Variants in PEX7 observed in about 807,000 individuals in gnomAD.
PEX7 encodes the protein PTS2 receptor.
PEX7 carries 34 observed loss-of-function variants against 47.5 expected under a neutral mutation model. The ratio of observed to expected loss-of-function variants is 0.72; its 90% CI spans 0.54 to 0.95. The LOEUF is 0.95. Among genes scored for constraint, PEX7 ranks in the 40% least tolerant of loss-of-function variants. PEX7 has a pLI of 0.00. For synonymous variants in PEX7, 141 were observed against 148.8 expected, an observed-to-expected ratio of 0.95 and a Z score of 0.38; for missense variants, 394 against 400.3, an observed-to-expected ratio of 0.98 and a Z score of 0.13.
At chr6:136,835,200 C>T (rs1484632893) in intron 3 of PEX7, among the ~76,000 whole-genome samples, 2 of 152,038 alleles carry the variant, frequency 1.3e-5, no homozygotes, top group Non-Finnish European at 1.5e-5. Flanking sequence ...GTTGGGATTA[C>T]AGGCTTGAGC....
chr6:136,845,160 TGGAA>T (rs921379202), intron 3 of PEX7, among the ~76,000 whole-genome samples: 4 of 152,228 alleles, frequency 2.6e-5, no homozygotes, highest in African/African-American at 9.6e-5. Context: ...CCAAGAGATC[TGGAA>T]GGATCACCTG....
At chr6:136,857,332 A>T (rs1774879090) in intron 5 of PEX7, among the ~76,000 whole-genome samples, 1 of 152,248 alleles carries the variant, frequency 6.6e-6, no homozygotes, top group South Asian at 2.1e-4. Context: ...TATATAAGAT[A>T]TGGGAGTAAC....
intron 3 of PEX7, among the ~76,000 whole-genome samples, chr6:136,842,002 CTTT>C (rs1201074060): frequency 1.4e-5 from 2 of 139,794 alleles, no homozygotes; most frequent in Non-Finnish European, 1.6e-5. Flanking sequence ...TTTTCTTTTT[CTTT>C]TTTTTTTTTT....
intron 8 of PEX7, among the ~76,000 whole-genome samples, chr6:136,888,611 A>G (rs1562753415): frequency 6.6e-6 from 1 of 152,116 alleles, no homozygotes; most frequent in East Asian, 1.9e-4. Flanking sequence ...TACTGAATTT[A>G]TTCTGTGTTA....
chr6:136,913,379 A>G, intron 9 of PEX7, 79 bp from the exon 10 acceptor site: 1 of 937,144 alleles, frequency 1.1e-6, no homozygotes, highest in Non-Finnish European at 1.8e-6. Flanking sequence ...GACACTCTAA[A>G]TGACTTGAGT....
chr6:136,909,651 G>A (rs932699868), intron 9 of PEX7, among the ~76,000 whole-genome samples: 3 of 152,010 alleles, frequency 2.0e-5, no homozygotes, highest in African/African-American at 7.2e-5. Flanking sequence ...GAACCAGATA[G>A]GGCTTAATTA....
intron 8 of PEX7, 94 bp from the exon 9 acceptor site, chr6:136,898,048 A>G: frequency 1.3e-6 from 1 of 776,288 alleles, no homozygotes; most frequent in Non-Finnish European, 2.3e-6. Context: ...CTGTTTGGAT[A>G]AAATCTTTGC....
intron 3 of PEX7, among the ~76,000 whole-genome samples, chr6:136,838,480 A>T (rs1248978413): frequency 6.6e-6 from 1 of 152,250 alleles, no homozygotes; most frequent in Non-Finnish European, 1.5e-5. Context: ...CTTAGAGGAT[A>T]CTTAAGAGAC....
At chr6:136,877,749 A>G (rs918769143) in intron 8 of PEX7, among the ~76,000 whole-genome samples, 1 of 152,226 alleles carries the variant, frequency 6.6e-6, no homozygotes, top group East Asian at 1.9e-4. Context: ...AGGTAGTGTG[A>G]TGCCTCCAGC....
Position 136,822,677 on chromosome 6 carries a change from G to A in PEX7, c.12G>A (p.Val4=), listed in dbSNP as rs2115122241. 2 of 1,524,134 alleles carry A rather than the reference G, an allele frequency of 1.3e-6. No homozygotes were observed. Among genetic ancestry groups the A allele is most frequent in the Non-Finnish European group, 1.8e-6 (2 of 1,141,874 alleles). 94.4% of individuals were successfully genotyped at this position (1,524,134 alleles called of 1,614,324 possible). A position where few individuals can be genotyped will look rare whatever the true frequency, so the allele number is the denominator to read the frequency against. MSA[V]CGGAARMLRT... is the part of the protein sequence containing the mutation. Reference sequence around the variant, plus strand: ...GGGCGGCGGGCGGGATGAGTGCGGTGTGCGGTGGAGCGGCGCGGATGCTGC... The same window carrying A: ...GGGCGGCGGGCGGGATGAGTGCGGTATGCGGTGGAGCGGCGCGGATGCTGC... The change falls in exon 1 of 10, where the codon GTG becomes GTA. Residue 4 remains valine (V), a synonymous_variant. Transcript: ENST00000318471.
At chr6:136,903,772 A>G (rs1016358037) in intron 9 of PEX7, among the ~76,000 whole-genome samples, 1 of 151,164 alleles carries the variant, frequency 6.6e-6, no homozygotes, top group African/African-American at 2.4e-5. Context: ...CGATCCTCCC[A>G]TCTCAAGCCT....
At chr6:136,904,928 A>G (rs918240797) in intron 9 of PEX7, among the ~76,000 whole-genome samples, 5 of 152,126 alleles carry the variant, frequency 3.3e-5, no homozygotes, top group Non-Finnish European at 7.4e-5. Context: ...GCTTCTGAAA[A>G]CCCACCAAAC....
At chr6:136,828,435 G>T (rs185742213) in intron 3 of PEX7, among the ~76,000 whole-genome samples, 1 of 152,256 alleles carries the variant, frequency 6.6e-6, no homozygotes, top group East Asian at 1.9e-4. Flanking sequence ...TGATTATTAA[G>T]AAACTGCTTC....
At chr6:136,838,545 G>A (rs952694668) in intron 3 of PEX7, among the ~76,000 whole-genome samples, 1 of 152,136 alleles carries the variant, frequency 6.6e-6, no homozygotes, top group Non-Finnish European at 1.5e-5. Context: ...CAAATAAGCC[G>A]ACTGTAAAAG....
At chr6:136,884,427 G>T (rs1775431956) in intron 8 of PEX7, among the ~76,000 whole-genome samples, 1 of 152,116 alleles carries the variant, frequency 6.6e-6, no homozygotes. Flanking sequence ...TAACTATACA[G>T]ATACTACCTT....
intron 3 of PEX7, among the ~76,000 whole-genome samples, chr6:136,845,303 G>A (rs1002512842): frequency 2.0e-5 from 3 of 152,128 alleles, no homozygotes; most frequent in Non-Finnish European, 2.9e-5. Context: ...ACATTTCTTC[G>A]TGGGGCTGCA....
At chr6:136,913,332 C>G in intron 9 of PEX7, 126 bp from the exon 10 acceptor site, 1 of 726,446 alleles carries the variant, frequency 1.4e-6, no homozygotes, top group African/African-American at 1.7e-5. Context: ...CCTATGTTTT[C>G]CCTATTCAAA....
intron 3 of PEX7, among the ~76,000 whole-genome samples, chr6:136,834,681 C>T (rs1774354896): frequency 1.3e-5 from 2 of 152,160 alleles, no homozygotes; most frequent in African/African-American, 4.8e-5. Context: ...CCTAATGGGC[C>T]TTGAATACCT....
intron 8 of PEX7, among the ~76,000 whole-genome samples, chr6:136,879,584 A>C (rs1325061076): frequency 6.6e-6 from 1 of 152,032 alleles, no homozygotes. Flanking sequence ...GGGAAAAAGA[A>C]CCCTTGTTGC....
Sources: gnomAD v4.1 joint callset for allele counts (sites outside exome capture counted in the v4.1 genomes callset) on GRCh38, gnomAD v4.1.1 for gene constraint, MANE v1.5 for transcripts, NCBI Gene and HGNC (gene_info 2026-07-23, HGNC 2026-07-21) for gene names.